NREP: variants seen among roughly 807,000 people sequenced by gnomAD.
The protein encoded by NREP is neuronal regeneration related protein, also known as neuronal regeneration-related protein.
In NREP, 5 loss-of-function variants were observed where a neutral mutation model predicts 8.6. The observed-to-expected ratio is 0.58, with a 90% CI of 0.30 to 1.22. The LOEUF (loss-of-function observed/expected upper bound fraction) is 1.22, where lower values mean the gene tolerates loss of function less well. Among genes scored for constraint, NREP ranks in the 50% most tolerant of loss-of-function variants. The probability of loss-of-function intolerance (pLI) is 0.07; values close to 1 mark genes in which losing one functional copy is unlikely to be tolerated. For synonymous variants in NREP, 27 were observed against 28.0 expected (o/e 0.96, Z 0.11); for missense variants, 86 against 82.5 (o/e 1.04, Z -0.17).
At chr5:111,913,065 A>G (rs1462849468) in intron 2 of NREP, among the ~76,000 whole-genome samples, 2 of 152,138 alleles carry the variant, frequency 1.3e-5, no homozygotes, top group South Asian at 4.1e-4. Flanking sequence ...AGCAGCCAAT[A>G]TCTTGAGTAC....
chr5:111,806,445 G>A (rs1033468126), intron 2 of NREP, among the ~76,000 whole-genome samples: 3 of 152,138 alleles, frequency 2.0e-5, no homozygotes, highest in South Asian at 2.1e-4. Context: ...ATTTACGATC[G>A]TGTGTTCATA....
upstream of NREP, among the ~76,000 whole-genome samples, chr5:111,760,941 T>C (rs1193853295): frequency 2.0e-5 from 3 of 152,216 alleles, no homozygotes; most frequent in Non-Finnish European, 4.4e-5. Flanking sequence ...GTATCTCAAA[T>C]CTATATATTC....
intron 2 of NREP, among the ~76,000 whole-genome samples, chr5:111,801,214 C>G: frequency 6.6e-6 from 1 of 152,128 alleles, no homozygotes; most frequent in Middle Eastern, 3.2e-3. Flanking sequence ...ACAGTAAATG[C>G]TAGTAGAAAA....
intron 2 of NREP, among the ~76,000 whole-genome samples, chr5:111,766,169 G>A (rs1751078295): frequency 6.6e-6 from 1 of 152,102 alleles, no homozygotes; most frequent in African/African-American, 2.4e-5. Context: ...ACAACTTGCT[G>A]GAATCAAATG....
At chr5:111,898,461 C>T (rs941251165) in intron 2 of NREP, among the ~76,000 whole-genome samples, 3 of 152,114 alleles carry the variant, frequency 2.0e-5, no homozygotes, top group Non-Finnish European at 2.9e-5. Flanking sequence ...CGTAAATGTA[C>T]AGCAGGTTGG....
chr5:111,846,883 A>C (rs2112956274), intron 2 of NREP, among the ~76,000 whole-genome samples: 1 of 152,256 alleles, frequency 6.6e-6, no homozygotes, highest in Non-Finnish European at 1.5e-5. Flanking sequence ...TAGAAACCAA[A>C]ATTTGTTTAT....
intron 2 of NREP, among the ~76,000 whole-genome samples, chr5:111,942,147 A>G (rs1755847033): frequency 6.6e-6 from 1 of 152,074 alleles, no homozygotes; most frequent in African/African-American, 2.4e-5. Flanking sequence ...TCTTATGGTA[A>G]CCATCTTAGC....
In NREP at chr5:111,882,124, A is replaced by G. The variant is rs186156878; in HGVS notation, c.135+93150T>C. 7.2e-4 allele frequency among the ~76,000 whole-genome samples: 110 copies of G among 152,332 alleles called. 1 individual carries two copies. The highest frequency in any genetic ancestry group is 2.3e-3 in the African/African-American group (96 of 41,576). ...GTATAATTAGAATAACCAATACAGA[A>G]AAGTGCTTAAAGGAGCTGATGGAGC... On this transcript the variant is annotated intron_variant, in intron 2 of 3. Coordinates refer to the NREP transcript ENST00000395634.
rs770867474 is a variant in NREP at position 111,802,608 on chromosome 5, T to C, written c.136-67101A>G. ...ACAAATGTAAAAAACAACAAACTGATGGCATGAAAAATGTCACCTGAAGTG... is the reference window on the plus strand; with the variant it reads ...ACAAATGTAAAAAACAACAAACTGACGGCATGAAAAATGTCACCTGAAGTG... On this transcript the variant is annotated intron_variant, in intron 2 of 3. Transcript: ENST00000395634. Among the ~76,000 whole-genome samples the C allele has an allele frequency of 3.9e-5, 6 of 152,210 alleles. No homozygotes were observed. In the South Asian group the frequency reaches 1.2e-3, roughly 32 times the overall value.
At chr5:111,903,033 ATATTTT>A (rs1561719021) in intron 2 of NREP, among the ~76,000 whole-genome samples, 2 of 145,794 alleles carry the variant, frequency 1.4e-5, no homozygotes, top group East Asian at 4.1e-4. Context: ...TTTATATTTT[ATATTTT>A]TATCTTTTAA....
chr5:111,925,951 A>C (rs1467342175), intron 2 of NREP, among the ~76,000 whole-genome samples: 1 of 151,958 alleles, frequency 6.6e-6, no homozygotes, highest in Non-Finnish European at 1.5e-5. Flanking sequence ...GAAACATGTT[A>C]TTTGTCCCTG....
Position 111,730,549 on chromosome 5 carries a change from A to T in NREP, c.*372T>A. On this transcript the variant is annotated 3_prime_UTR_variant, in exon 4 of 4. Transcript: ENST00000257435. ...AAATGAAAAAAAAGGTGGGGGGGGG[A>T]CTCTCAGCCTCTGCAAGAAGCAGTC... The T allele has an allele frequency of 6.9e-6, 1 of 145,810 alleles. No homozygotes were observed. The highest frequency in any genetic ancestry group is 1.4e-5 in the Non-Finnish European group (1 of 70,542). 9.0% of individuals were successfully genotyped at this position (145,810 alleles called of 1,614,324 possible). A position where few individuals can be genotyped will look rare whatever the true frequency, so the allele number is the denominator to read the frequency against.
At chr5:111,813,288 C>T (rs779620590) in intron 2 of NREP, among the ~76,000 whole-genome samples, 3 of 152,038 alleles carry the variant, frequency 2.0e-5, no homozygotes, top group Non-Finnish European at 2.9e-5. Context: ...ATGATTAGAG[C>T]CACAAAAAAG....
chr5:111,946,371 A>G (rs2112625818), intron 2 of NREP, among the ~76,000 whole-genome samples: 1 of 152,224 alleles, frequency 6.6e-6, no homozygotes, highest in African/African-American at 2.4e-5. Context: ...GAAGTTCTTC[A>G]CAATGTTAAT....
intron 2 of NREP, among the ~76,000 whole-genome samples, chr5:111,911,156 C>G (rs1190666557): frequency 6.6e-6 from 1 of 152,026 alleles, no homozygotes; most frequent in South Asian, 2.1e-4. Flanking sequence ...CACCCCTGCA[C>G]CCAGTGTTCT....
intron 2 of NREP, among the ~76,000 whole-genome samples, chr5:111,825,555 T>C (rs1236956582): frequency 6.6e-6 from 1 of 152,176 alleles, no homozygotes; most frequent in African/African-American, 2.4e-5. Flanking sequence ...AAGACACTAG[T>C]TTATTGAAAC....
rs1222435292 is a variant in NREP at position 111,975,339 on chromosome 5, T to C, written c.70A>G (p.Met24Val). Residue 24 changes from methionine to valine, a missense_variant, in exon 2 of 4, where the codon ATG (methionine) becomes GTG (valine). Coordinates refer to the NREP transcript ENST00000395634. ...TTGGAACAAGGGACTCTGTCTGTCA[T>C]CCTGCTCCTCTGGGTTCGTGTTTCA... is the stretch of plus-strand genomic sequence containing the variant. 3.9e-6 allele frequency: 6 copies of C among 1,551,570 alleles called. No homozygotes were observed. The Admixed American group carries it at 7.8e-5, about 20-fold the overall frequency.
intron 2 of NREP, among the ~76,000 whole-genome samples, chr5:111,884,841 A>C (rs528742706): frequency 6.6e-6 from 1 of 152,332 alleles, no homozygotes; most frequent in Non-Finnish European, 1.5e-5. Flanking sequence ...AATAAGAGCT[A>C]TCTATGACAA....
chr5:111,964,805 T>A (rs570713938), intron 2 of NREP, among the ~76,000 whole-genome samples: 3 of 136,980 alleles, frequency 2.2e-5, no homozygotes, highest in South Asian at 4.7e-4. Flanking sequence ...GAGATTACAA[T>A]TTCTAGGTTG....
Sources: allele counts gnomAD v4.1 joint callset (sites outside exome capture counted in the v4.1 genomes callset), GRCh38; gene constraint gnomAD v4.1.1; transcripts MANE v1.5; gene names NCBI Gene and HGNC (gene_info 2026-07-23, HGNC 2026-07-21).